The following TRIM16 variants were observed in gnomAD, a reference collection of about 807,000 sequenced individuals.
TRIM16 encodes tripartite motif-containing protein 16.
TRIM16 carries 33 observed loss-of-function variants against 50.4 expected under a neutral mutation model. The observed-to-expected ratio is 0.65, with a 90% CI of 0.50 to 0.88. The LOEUF (loss-of-function observed/expected upper bound fraction) is 0.88, where lower values mean the gene tolerates loss of function less well. Ranked by LOEUF, TRIM16 falls within the 40% of genes least tolerant of loss-of-function variation. The pLI is 0.00. For missense variants in TRIM16, 581 were observed against 686.8 expected, an observed-to-expected ratio of 0.85 and a Z score of 1.72; for synonymous variants, 229 against 270.7, an observed-to-expected ratio of 0.85 and a Z score of 1.51.
chr17:15,650,043 G>A (rs2150917574), intron 7 of TRIM16, among the ~76,000 whole-genome samples: 1 of 152,300 alleles, frequency 6.6e-6, no homozygotes, highest in African/African-American at 2.4e-5. Flanking sequence ...TTGGCATCTG[G>A]AATACAGAGG....
chr17:15,683,147 T>A lies in TRIM16; in HGVS notation c.-888A>T. The A allele has an allele frequency of 1.3e-6, 2 of 1,548,658 alleles. No homozygotes were observed. Among genetic ancestry groups the A allele is most frequent in the Non-Finnish European group, 1.7e-6 (2 of 1,145,618 alleles). On this transcript the variant is annotated 5_prime_UTR_variant, in exon 2 of 12. Coordinates refer to ENST00000649191, the MANE Select transcript of TRIM16 (RefSeq NM_001348119.1). ...GTATCTTCCTGGAAATTGCCAGCAT[T>A]CTACCAGAAACTGTGGTAAGAGGTT...
chr17:15,679,891 C>T lies in TRIM16; in HGVS notation c.-590+974G>A, dbSNP rs993248258. On this transcript the variant is annotated intron_variant, in intron 4 of 11. Transcript: ENST00000649191. ...GGCGGAGCTTGCAGTGAGCTGAGAT[C>T]GCGCCACTGCACTCCAGCCTGGGCG... 5.3e-5 allele frequency among the ~76,000 whole-genome samples: 8 copies of T among 149,586 alleles called. No homozygotes were observed. In the East Asian group the frequency reaches 5.9e-4, roughly 11 times the overall value.
chr17:15,655,220 C>G (rs996187768), intron 6 of TRIM16, among the ~76,000 whole-genome samples: 1 of 152,152 alleles, frequency 6.6e-6, no homozygotes, highest in African/African-American at 2.4e-5. Context: ...CTGGTCCACC[C>G]GCATACCATA....
intron 8 of TRIM16, among the ~76,000 whole-genome samples, chr17:15,637,338 A>G (rs1597610112): frequency 1.0e-5 from 1 of 96,824 alleles, no homozygotes; most frequent in Non-Finnish European, 2.0e-5. Flanking sequence ...CCCGTCCGGG[A>G]GGGAGATGGG....
intron 8 of TRIM16, among the ~76,000 whole-genome samples, chr17:15,639,738 TG>T: frequency 6.7e-6 from 1 of 149,538 alleles, no homozygotes; most frequent in East Asian, 2.0e-4. Flanking sequence ...GGACTGTGGA[TG>T]GGAGGCTCAG....
chr17:15,671,409 C>G (rs1208304732), intron 6 of TRIM16, among the ~76,000 whole-genome samples: 1 of 148,908 alleles, frequency 6.7e-6, no homozygotes, highest in Non-Finnish European at 1.5e-5. Context: ...GGGGGGATAT[C>G]TTGGTGCATA....
intron 7 of TRIM16, among the ~76,000 whole-genome samples, chr17:15,647,955 G>T (rs1433600885): frequency 6.6e-6 from 1 of 152,186 alleles, no homozygotes; most frequent in Non-Finnish European, 1.5e-5. Context: ...GCCGGGCGTG[G>T]TGGCTCACGC....
chr17:15,669,873 C>T (rs1389211047), intron 6 of TRIM16, among the ~76,000 whole-genome samples: 2 of 152,168 alleles, frequency 1.3e-5, no homozygotes, highest in Non-Finnish European at 2.9e-5. Flanking sequence ...GTATCCCTTG[C>T]CTCTATCCTC....
intron 6 of TRIM16, among the ~76,000 whole-genome samples, chr17:15,655,085 T>A (rs60292952): frequency 6.6e-6 from 1 of 152,200 alleles, no homozygotes; most frequent in African/African-American, 2.4e-5. Flanking sequence ...ATGGTTTTCA[T>A]GTCTCCAGCC....
At chr17:15,662,693 TCTGTGCAGGGA>T (rs1348454344) in intron 6 of TRIM16, among the ~76,000 whole-genome samples, 1 of 152,206 alleles carries the variant, frequency 6.6e-6, no homozygotes, top group Non-Finnish European at 1.5e-5. Flanking sequence ...GACTACACAT[TCTGTGCAGGGA>T]CTGTGCTAAG....
At position 15,628,996 on chromosome 17, in the gene TRIM16, T is replaced by C. The variant is rs1314972450; in HGVS notation, c.1314A>G (p.Ala438=). Reference sequence around the variant, plus strand: ...TGCAGGTCAGGCCAACATAGGTGCCTGCCCCGAAGATCTCCACCTCAAAAT... The same window carrying C: ...TGCAGGTCAGGCCAACATAGGTGCCCGCCCCGAAGATCTCCACCTCAAAAT... The part of the protein sequence containing the change: ...RYYFEVEIFG[A]GTYVGLTCKG... Residue 438 remains alanine (A), a synonymous_variant, in exon 12 of 12, where the codon GCA becomes GCG. Coordinates refer to ENST00000649191, the MANE Select transcript of TRIM16 (RefSeq NM_001348119.1). The C allele has an allele frequency of 1.9e-6, 3 of 1,613,700 alleles. No individual in the cohort carries two copies.
chr17:15,678,291 A>G (rs866142725), intron 4 of TRIM16, among the ~76,000 whole-genome samples: 29 of 152,302 alleles, frequency 1.9e-4, no homozygotes, highest in Non-Finnish European at 1.6e-4. Flanking sequence ...TATACCTTAC[A>G]ATAGAAAAAT....
In TRIM16 at chr17:15,628,386, G is replaced by A. The variant is rs758301936; in HGVS notation, c.*229C>T. 57 of 464,226 alleles carry A rather than the reference G, an allele frequency of 1.2e-4. No individual in the cohort carries two copies. The highest frequency in any genetic ancestry group is 1.4e-4 in the Non-Finnish European group (38 of 275,796). The allele number at this position is 464,226 out of a possible 1,614,324, so 28.8% of individuals were successfully genotyped here. Reference sequence around the variant, plus strand: ...ATCGCGCCACTGCTCTCCAGCCTGGGCAACAGTGCGAGACTCCGTCTCAAA... The same window carrying A: ...ATCGCGCCACTGCTCTCCAGCCTGGACAACAGTGCGAGACTCCGTCTCAAA... On this transcript the variant is annotated 3_prime_UTR_variant, in exon 12 of 12. Coordinates refer to ENST00000649191, the MANE Select transcript of TRIM16 (RefSeq NM_001348119.1).
chr17:15,676,225 A>G (rs1421176125), intron 6 of TRIM16, among the ~76,000 whole-genome samples: 1 of 152,170 alleles, frequency 6.6e-6, no homozygotes, highest in Non-Finnish European at 1.5e-5. Flanking sequence ...AGCACACTTC[A>G]GACGTTGCCA....
intron 11 of TRIM16, among the ~76,000 whole-genome samples, chr17:15,631,179 TC>T (rs1164196098): frequency 1.1e-4 from 17 of 152,168 alleles, no homozygotes; most frequent in African/African-American, 3.9e-4. Flanking sequence ...GAAAGACTGA[TC>T]CAGACTGAAG....
intron 11 of TRIM16, 93 bp from the exon 12 acceptor site, chr17:15,629,291 T>G (rs1986282334): frequency 4.3e-6 from 3 of 703,622 alleles, no homozygotes. Context: ...AAAGCACATA[T>G]GAGAAAACAT....
At chr17:15,663,860 T>C (rs566812003) in intron 6 of TRIM16, among the ~76,000 whole-genome samples, 2 of 152,312 alleles carry the variant, frequency 1.3e-5, no homozygotes, top group Non-Finnish European at 2.9e-5. Context: ...TCAGATGCAG[T>C]GCTGTCATCA....
intron 6 of TRIM16, among the ~76,000 whole-genome samples, chr17:15,666,270 T>C (rs969721015): frequency 6.6e-6 from 1 of 152,196 alleles, no homozygotes; most frequent in Non-Finnish European, 1.5e-5. Context: ...TTTTTAGAGA[T>C]AGGGTCTCAC....
chr17:15,655,575 C>A (rs1468145086), intron 6 of TRIM16, among the ~76,000 whole-genome samples: 2 of 151,426 alleles, frequency 1.3e-5, no homozygotes, highest in African/African-American at 2.4e-5. Flanking sequence ...CATTTGATCT[C>A]TCTCTTTTTT....
Sources: allele counts gnomAD v4.1 joint callset (sites outside exome capture counted in the v4.1 genomes callset), GRCh38; gene constraint gnomAD v4.1.1; transcripts MANE v1.5; gene names NCBI Gene and HGNC (gene_info 2026-07-23, HGNC 2026-07-21).